The following PRPF18 variants were observed in gnomAD, a reference collection of about 807,000 sequenced individuals.
PRPF18 encodes the protein pre-mRNA processing factor 18.
PRPF18 carries 38 observed loss-of-function variants against 46.5 expected under a neutral mutation model. The observed-to-expected ratio is 0.82, with a 90% CI of 0.63 to 1.07. PRPF18 has a LOEUF of 1.07. Ranked by LOEUF, PRPF18 falls within the 50% of genes least tolerant of loss-of-function variation. The probability of loss-of-function intolerance (pLI) is 0.00; values close to 1 mark genes in which losing one functional copy is unlikely to be tolerated. For missense variants in PRPF18, 263 were observed against 410.0 expected, an observed-to-expected ratio of 0.64 and a Z score of 3.10; for synonymous variants, 152 against 146.7, an observed-to-expected ratio of 1.04 and a Z score of -0.26.
At chr10:13,653,069 C>CCT in the PRPF18 span, 1 of 152,120 alleles carries the variant, frequency 6.6e-6, no homozygotes, top group African/African-American at 2.4e-5. Flanking sequence ...GTATTTCCCC[C>CCT]GCAAGGGGAT....
At chr10:13,621,811 T>G (rs187976359) in intron 9 of PRPF18, among the ~76,000 whole-genome samples, 1 of 152,232 alleles carries the variant, frequency 6.6e-6, no homozygotes, top group Non-Finnish European at 1.5e-5. Context: ...CAAGTTGTTT[T>G]CAGTAAGCTT....
At chr10:13,606,301 T>G (rs1027109360) in intron 4 of PRPF18, among the ~76,000 whole-genome samples, 2 of 152,244 alleles carry the variant, frequency 1.3e-5, no homozygotes, top group African/African-American at 4.8e-5. Context: ...TCATAGATTG[T>G]GTGTCTGGCT....
At chr10:13,620,324 A>G (rs1331139259) in intron 9 of PRPF18, among the ~76,000 whole-genome samples, 1 of 152,224 alleles carries the variant, frequency 6.6e-6, no homozygotes, top group Non-Finnish European at 1.5e-5. Context: ...CCCGTAGTAA[A>G]TGTATGAACG....
intron 6 of PRPF18, among the ~76,000 whole-genome samples, chr10:13,612,601 C>T (rs2080285756): frequency 6.8e-6 from 1 of 147,336 alleles, no homozygotes; most frequent in Non-Finnish European, 1.5e-5. Flanking sequence ...CTAGACAACC[C>T]AAGGAAGAAG....
At chr10:13,613,177 C>G (rs1445079347) in intron 6 of PRPF18, among the ~76,000 whole-genome samples, 3 of 152,134 alleles carry the variant, frequency 2.0e-5, no homozygotes, top group Non-Finnish European at 4.4e-5. Flanking sequence ...TCAGCCTTCT[C>G]TGTTTCCTAC....
rs2080578850 is a variant in PRPF18 at position 13,630,379 on chromosome 10, G to C, written c.*39G>C. 3 of 1,511,508 alleles carry C rather than the reference G, an allele frequency of 2.0e-6. No homozygotes were observed. In the Admixed American group the frequency reaches 5.2e-5, roughly 26 times the overall value. 93.6% of individuals were successfully genotyped at this position (1,511,508 alleles called of 1,614,324 possible). On this transcript the variant is annotated 3_prime_UTR_variant, in exon 10 of 10. Transcript: ENST00000378572. ...TGTGTTAATAACAATAAGAAACTTA[G>C]GGAAGCAGGCTGTGGACTTCTGGAA... is the stretch of plus-strand genomic sequence containing the variant.
intron 3 of PRPF18, among the ~76,000 whole-genome samples, chr10:13,601,957 A>G (rs117339569): frequency 6.6e-6 from 1 of 152,204 alleles, no homozygotes; most frequent in South Asian, 2.1e-4. Context: ...CCTTATACAT[A>G]TGTCTTGATA....
At chr10:13,642,944 G>A in the PRPF18 span, 1 of 152,320 alleles carries the variant, frequency 6.6e-6, no homozygotes, top group East Asian at 1.9e-4. Context: ...TTCCCATCCA[G>A]GAGTTTTTCA....
intron 4 of PRPF18, among the ~76,000 whole-genome samples, chr10:13,606,919 T>G (rs894336934): frequency 2.0e-5 from 3 of 152,192 alleles, no homozygotes; most frequent in Non-Finnish European, 4.4e-5. Context: ...ATGCCAGTCA[T>G]TTCCAAACCC....
chr10:13,631,785 AG>A (rs970396375), downstream of PRPF18: 2 of 152,254 alleles, frequency 1.3e-5, no homozygotes, highest in Non-Finnish European at 2.9e-5. Flanking sequence ...TGCATTGAGA[AG>A]GGCCGGGGAT....
At chr10:13,646,948 G>T in the PRPF18 span, 1 of 978,530 alleles carries the variant, frequency 1.0e-6, no homozygotes, top group Non-Finnish European at 1.2e-6. Flanking sequence ...CGAGGGTCCC[G>T]GGCTTGGCTT....
the PRPF18 span, chr10:13,654,491 C>A: frequency 6.2e-7 from 1 of 1,613,732 alleles, no homozygotes; most frequent in Non-Finnish European, 8.5e-7. Context: ...TGTCGAGCTT[C>A]TCTGGCTTTG....
intron 1 of PRPF18, among the ~76,000 whole-genome samples, chr10:13,593,606 A>T (rs768425924): frequency 2.0e-5 from 3 of 152,202 alleles, no homozygotes; most frequent in Non-Finnish European, 2.9e-5. Context: ...GCCAGTAGAG[A>T]GGGGAAGGAT....
chr10:13,625,343 CGTT>C (rs1301353967), intron 9 of PRPF18, among the ~76,000 whole-genome samples: 5 of 151,920 alleles, frequency 3.3e-5, no homozygotes, highest in Admixed American at 3.3e-4. Flanking sequence ...TCTTAGGTAA[CGTT>C]GTAGCCATGA....
the PRPF18 span, among the ~76,000 whole-genome samples, chr10:13,650,373 A>AATGT: frequency 6.6e-6 from 1 of 152,110 alleles, no homozygotes; most frequent in Non-Finnish European, 1.5e-5. Context: ...TGCTCAGTAT[A>AATGT]ATGTATGTGT....
chr10:13,624,178 A>T (rs539698760), intron 9 of PRPF18, among the ~76,000 whole-genome samples: 2 of 152,246 alleles, frequency 1.3e-5, no homozygotes, highest in East Asian at 1.9e-4. Context: ...ATGGTATGCC[A>T]TGTTGGCCAG....
intron 4 of PRPF18, among the ~76,000 whole-genome samples, chr10:13,609,277 T>C (rs2080237586): frequency 6.6e-6 from 1 of 152,224 alleles, no homozygotes; most frequent in South Asian, 2.1e-4. Context: ...AGCATCCTTA[T>C]TACAGCCCTA....
At chr10:13,605,849 G>C in intron 4 of PRPF18, 105 bp downstream of exon 4, 1 of 1,364,360 alleles carries the variant, frequency 7.3e-7, no homozygotes, top group Non-Finnish European at 9.5e-7. Context: ...AGTAAAGTGA[G>C]CAGATTATTG....
intron 6 of PRPF18, among the ~76,000 whole-genome samples, chr10:13,612,625 T>TA (rs1190897106): frequency 2.1e-5 from 3 of 144,978 alleles, no homozygotes; most frequent in Non-Finnish European, 4.6e-5. Flanking sequence ...GTTCTAGCTT[T>TA]TTTTTTTTTT....
Sources: allele counts gnomAD v4.1 joint callset (sites outside exome capture counted in the v4.1 genomes callset), GRCh38; gene constraint gnomAD v4.1.1; transcripts MANE v1.5; gene names NCBI Gene and HGNC (gene_info 2026-07-23, HGNC 2026-07-21).